The following CNTN5 variants were observed in gnomAD, a reference collection of about 807,000 sequenced individuals.
CNTN5 encodes the protein contactin-5.
A neutral mutation model predicts 129.1 loss-of-function variants in CNTN5; 77 were observed. The ratio of observed to expected loss-of-function variants is 0.60; its 90% CI spans 0.50 to 0.72. CNTN5 has a LOEUF of 0.72. CNTN5 is among the 30% of genes least tolerant of loss of function. The pLI, the probability that CNTN5 is intolerant of heterozygous loss-of-function variation, is 0.00. For missense variants in CNTN5, 1,478 were observed against 1,328.8 expected, an observed-to-expected ratio of 1.11 and a Z score of -1.75; for synonymous variants, 509 against 465.6, an observed-to-expected ratio of 1.09 and a Z score of -1.20.
intron 16 of CNTN5, among the ~76,000 whole-genome samples, chr11:100,228,692 A>T (rs1242087485): frequency 6.6e-6 from 1 of 152,178 alleles, no homozygotes; most frequent in East Asian, 1.9e-4. Context: ...TGTGTCGGGC[A>T]CTGAAGTCGG....
intron 9 of CNTN5, among the ~76,000 whole-genome samples, chr11:100,028,261 C>T (rs1941529006): frequency 6.6e-6 from 1 of 152,072 alleles, no homozygotes; most frequent in Non-Finnish European, 1.5e-5. Context: ...GAATAGGTTA[C>T]ATTTTTCAGT....
intron 1 of CNTN5, among the ~76,000 whole-genome samples, chr11:99,053,331 TAAC>T (rs1267576818): frequency 6.6e-6 from 1 of 151,930 alleles, no homozygotes. Context: ...AAGAAAAAAA[TAAC>T]AACTAAACAG....
At chr11:99,954,251 A>G (rs1468886550) in intron 7 of CNTN5, among the ~76,000 whole-genome samples, 1 of 152,222 alleles carries the variant, frequency 6.6e-6, no homozygotes, top group Non-Finnish European at 1.5e-5. Flanking sequence ...ACGTAGATGC[A>G]CAGTATATCT....
At chr11:100,008,874 T>C (rs1185053033) in intron 9 of CNTN5, among the ~76,000 whole-genome samples, 1 of 152,126 alleles carries the variant, frequency 6.6e-6, no homozygotes, top group Non-Finnish European at 1.5e-5. Context: ...TCAAACCGTG[T>C]TAGAATACTG....
At chr11:99,315,581 A>G (rs963871294) in intron 1 of CNTN5, among the ~76,000 whole-genome samples, 12 of 149,618 alleles carry the variant, frequency 8.0e-5, no homozygotes, top group Admixed American at 6.0e-4. Context: ...ATTGACAAGG[A>G]ACATTACTTT....
intron 8 of CNTN5, among the ~76,000 whole-genome samples, chr11:99,992,314 A>G (rs1939161504): frequency 6.6e-6 from 1 of 152,220 alleles, no homozygotes; most frequent in East Asian, 1.9e-4. Context: ...CAATGAGGAA[A>G]AACACTCAGC....
chr11:99,924,509 T>C (rs1335238272), intron 7 of CNTN5, among the ~76,000 whole-genome samples: 2 of 146,128 alleles, frequency 1.4e-5, no homozygotes, highest in African/African-American at 5.0e-5. Flanking sequence ...CCTTTCCCTA[T>C]TGTTTATTTT....
intron 3 of CNTN5, among the ~76,000 whole-genome samples, chr11:99,765,904 A>G (rs376089800): frequency 2.0e-5 from 3 of 151,976 alleles, no homozygotes; most frequent in Admixed American, 6.6e-5. Context: ...AAATAATACA[A>G]TCACATAATA....
intron 1 of CNTN5, among the ~76,000 whole-genome samples, chr11:99,026,535 G>A (rs1158227738): frequency 6.6e-6 from 1 of 151,402 alleles, no homozygotes; most frequent in East Asian, 1.9e-4. Flanking sequence ...GTGAATGAGA[G>A]TTCATGCTAA....
intron 2 of CNTN5, among the ~76,000 whole-genome samples, chr11:99,451,590 T>C (rs2656176): frequency 0.49 from 74,170 of 151,632 alleles, 18,789 homozygotes; most frequent in East Asian, 0.65. Context: ...TATTTTTATA[T>C]GTTAGAAAGC....
chr11:99,197,049 A>G (rs768602963), intron 1 of CNTN5, among the ~76,000 whole-genome samples: 8 of 151,986 alleles, frequency 5.3e-5, no homozygotes, highest in Non-Finnish European at 1.2e-4. Flanking sequence ...TTATGCAAGT[A>G]ATAAGTTTAG....
chr11:100,006,758 G>A (rs1305262502), intron 9 of CNTN5, among the ~76,000 whole-genome samples: 9 of 126,420 alleles, frequency 7.1e-5, no homozygotes, highest in Non-Finnish European at 1.3e-4. Flanking sequence ...AATCACAGCT[G>A]TTCTTAATGG....
At chr11:99,080,217 A>G (rs1462222437) in intron 1 of CNTN5, among the ~76,000 whole-genome samples, 2 of 152,196 alleles carry the variant, frequency 1.3e-5, no homozygotes, top group African/African-American at 4.8e-5. Flanking sequence ...AGTTCAAGTT[A>G]TTTATTGAAT....
chr11:99,618,602 CA>C (rs1422901186), intron 3 of CNTN5, among the ~76,000 whole-genome samples: 1 of 152,162 alleles, frequency 6.6e-6, no homozygotes, highest in Non-Finnish European at 1.5e-5. Flanking sequence ...TATTCTTTTT[CA>C]ATCATAGTGA....
At chr11:99,757,176 A>G (rs1362799299) in intron 3 of CNTN5, among the ~76,000 whole-genome samples, 1 of 152,028 alleles carries the variant, frequency 6.6e-6, no homozygotes, top group Non-Finnish European at 1.5e-5. Context: ...TCAACAATCC[A>G]TGGTGTGTTT....
chr11:99,931,805 G>T (rs540012220), intron 7 of CNTN5, among the ~76,000 whole-genome samples: 17 of 152,284 alleles, frequency 1.1e-4, no homozygotes, highest in Admixed American at 5.9e-4. Flanking sequence ...AAGAAATGGG[G>T]TAACTTATGT....
At chr11:100,285,915 G>C (rs186331818) in intron 18 of CNTN5, among the ~76,000 whole-genome samples, 2 of 152,218 alleles carry the variant, frequency 1.3e-5, no homozygotes, top group Non-Finnish European at 2.9e-5. Flanking sequence ...TGCGCGAGCC[G>C]AAGCAGGGCG....
chr11:99,867,607 C>G (rs1948390109), intron 6 of CNTN5, among the ~76,000 whole-genome samples: 2 of 152,144 alleles, frequency 1.3e-5, no homozygotes, highest in South Asian at 4.1e-4. Flanking sequence ...ACCATAGCAT[C>G]TCTCTGACTT....
chr11:99,195,591 C>T (rs1858861048), intron 1 of CNTN5, among the ~76,000 whole-genome samples: 2 of 152,024 alleles, frequency 1.3e-5, no homozygotes, highest in South Asian at 4.2e-4. Flanking sequence ...TCTGTTTTTA[C>T]ACATATGCCA....
Sources: allele counts gnomAD v4.1 joint callset (sites outside exome capture counted in the v4.1 genomes callset), GRCh38; gene constraint gnomAD v4.1.1; transcripts MANE v1.5; gene names NCBI Gene and HGNC (gene_info 2026-07-23, HGNC 2026-07-21).